Variants in RASSF6 observed in about 807,000 individuals in gnomAD.
RASSF6 encodes Ras association domain family member 6, also known as ras association domain-containing protein 6.
Under a neutral mutation model 44.0 loss-of-function variants are expected in RASSF6, and 52 were observed. The observed-to-expected ratio is 1.18, with a 90% CI of 0.95 to 1.49. The LOEUF is 1.49. Among genes scored for constraint, RASSF6 ranks in the 40% most tolerant of loss-of-function variants. The pLI, the probability that RASSF6 is intolerant of heterozygous loss-of-function variation, is 0.00. For synonymous variants in RASSF6, 162 were observed against 124.6 expected (o/e 1.30, Z -2.00); for missense variants, 464 against 393.3 (o/e 1.18, Z -1.52).
intron 3 of RASSF6, among the ~76,000 whole-genome samples, chr4:73,594,914 C>T (rs897595125): frequency 6.6e-5 from 10 of 152,170 alleles, no homozygotes; most frequent in Non-Finnish European, 1.5e-5. Flanking sequence ...TTCTTCATTG[C>T]TATATCTCCA....
At chr4:73,593,252 G>A (rs538271156) in intron 4 of RASSF6, among the ~76,000 whole-genome samples, 199 bp downstream of exon 4, 1 of 152,226 alleles carries the variant, frequency 6.6e-6, no homozygotes, top group African/African-American at 2.4e-5. Flanking sequence ...CTGACCTCAG[G>A]TGATCCACCT....
At chr4:73,606,925 CACA>C (rs1414818792) in intron 2 of RASSF6, among the ~76,000 whole-genome samples, 6 of 152,144 alleles carry the variant, frequency 3.9e-5, no homozygotes, top group African/African-American at 1.2e-4. Flanking sequence ...GGGTCTGAAA[CACA>C]ACAAGGAGCC....
rs1459954974 is a variant in RASSF6 at position 73,598,667 on chromosome 4, C to CT, written c.116dup (p.Lys40GlufsTer11). ...CTCCATATAAAATATGCAGATTTTT[C>CT]TGGTTCTCATAAAAAATGTTATAGG... On this transcript the variant is annotated frameshift_variant, in exon 3 of 11. Transcript: ENST00000307439. LOFTEE classifies it high-confidence loss of function. 6.5e-7 allele frequency: 1 copy of CT among 1,536,644 alleles called. No homozygotes were observed. The highest frequency in any genetic ancestry group is 2.0e-5 in the Admixed American group (1 of 50,026).
chr4:73,586,857 C>T (rs970401033), intron 5 of RASSF6, among the ~76,000 whole-genome samples: 8 of 150,640 alleles, frequency 5.3e-5, no homozygotes, highest in Non-Finnish European at 1.0e-4. Context: ...TCATGTTTGT[C>T]ACAGGATCTG....
chr4:73,590,476 A>C (rs1724458853), intron 4 of RASSF6, among the ~76,000 whole-genome samples: 1 of 152,254 alleles, frequency 6.6e-6, no homozygotes, highest in Non-Finnish European at 1.5e-5. Context: ...GTAAGAAAAC[A>C]GTAAATTTCT....
At chr4:73,615,957 T>C (rs1358784040) in intron 1 of RASSF6, 1 of 1,546,884 alleles carries the variant, frequency 6.5e-7, no homozygotes, top group Non-Finnish European at 8.7e-7. Context: ...TTAAATCAAA[T>C]GGGTCAGTCA....
At chr4:73,606,624 G>A (rs1259704096) in intron 2 of RASSF6, among the ~76,000 whole-genome samples, 2 of 124,686 alleles carry the variant, frequency 1.6e-5, no homozygotes, top group African/African-American at 6.0e-5. Context: ...CTGTTTTTCT[G>A]AGACAAGCCT....
chr4:73,615,817 C>A, intron 1 of RASSF6: 1 of 1,251,220 alleles, frequency 8.0e-7, no homozygotes, highest in Non-Finnish European at 1.1e-6. Flanking sequence ...CATTAGCGTT[C>A]CAGCAATGCT....
rs753383465 is a variant in RASSF6, at chr4:73,593,615, C to T, written c.145-22G>A. ...CAGTCTAAGGAAGAAATGAATAATC[C>T]CCCAATTGTTTTTGTATTATTTATA... On this transcript the variant is annotated intron_variant, in intron 3 of 10. Transcript: ENST00000307439. 3.7e-6 allele frequency: 6 copies of T among 1,605,520 alleles called. No individual in the cohort carries two copies. The South Asian group carries it at 5.6e-5, about 15-fold the overall frequency.
At chr4:73,599,537 C>G (rs1198444998) in intron 2 of RASSF6, among the ~76,000 whole-genome samples, 1 of 152,192 alleles carries the variant, frequency 6.6e-6, no homozygotes, top group African/African-American at 2.4e-5. Flanking sequence ...AAGGAATGCT[C>G]CTGACTTATC....
At chr4:73,601,240 A>T (rs1293404515) in intron 2 of RASSF6, among the ~76,000 whole-genome samples, 1 of 152,258 alleles carries the variant, frequency 6.6e-6, no homozygotes, top group Non-Finnish European at 1.5e-5. Flanking sequence ...GAGTTGGCAG[A>T]TGGTGGTCCC....
chr4:73,578,085 A>C (rs1041160196), intron 8 of RASSF6, among the ~76,000 whole-genome samples: 1 of 149,808 alleles, frequency 6.7e-6, no homozygotes, highest in Non-Finnish European at 1.5e-5. Flanking sequence ...GACACAAAAT[A>C]TAAAAGAAAA....
intron 4 of RASSF6, among the ~76,000 whole-genome samples, chr4:73,591,791 G>C (rs1296572230): frequency 1.3e-5 from 2 of 152,022 alleles, no homozygotes; most frequent in African/African-American, 4.8e-5. Flanking sequence ...CAGGCTTCTG[G>C]GGATTTTGCT....
At chr4:73,585,983 C>T (rs1387480524) in intron 5 of RASSF6, among the ~76,000 whole-genome samples, 1 of 85,308 alleles carries the variant, frequency 1.2e-5, no homozygotes, top group Non-Finnish European at 2.1e-5. Flanking sequence ...TCCCTCCCCC[C>T]TCCCCCCACC....
At chr4:73,613,193 C>A (rs181578474) in intron 1 of RASSF6, among the ~76,000 whole-genome samples, 1 of 152,318 alleles carries the variant, frequency 6.6e-6, no homozygotes, top group Admixed American at 6.5e-5. Flanking sequence ...TTGGAAATGG[C>A]ATCCTCTGAT....
chr4:73,601,438 C>T (rs1725272704), intron 2 of RASSF6, among the ~76,000 whole-genome samples: 1 of 152,190 alleles, frequency 6.6e-6, no homozygotes, highest in Non-Finnish European at 1.5e-5. Context: ...AATCTGTAAT[C>T]CACTGTGTAA....
intron 2 of RASSF6, among the ~76,000 whole-genome samples, chr4:73,607,850 C>T (rs149957625): frequency 2.6e-4 from 38 of 148,812 alleles, no homozygotes; most frequent in African/African-American, 8.2e-4. Flanking sequence ...CTCCCTACCC[C>T]TCCTCTCTAC....
Position 73,587,852 on chromosome 4 carries a change from T to A in RASSF6, c.370A>T (p.Asn124Tyr), listed in dbSNP as rs1036279076. ...RTQIPMSEKR[N>Y]SQEDYLSYHS... Reference sequence around the variant, plus strand: ...TTTTGATACTGACCTTCCTGGGAATTCCTTTTTTCAGACATAGGAATCTGG... The same window carrying A: ...TTTTGATACTGACCTTCCTGGGAATACCTTTTTTCAGACATAGGAATCTGG... Residue 124 changes from asparagine (N) to tyrosine (Y), a missense_variant, in exon 5 of 11, where the codon AAT becomes TAT. Physicochemically the swap from Asn to Tyr is moderately radical, Grantham distance 143 (BLOSUM62 -2). Transcript: ENST00000307439. 6.2e-7 allele frequency: 1 copy of A among 1,606,718 alleles called. No homozygotes were observed. The highest frequency in any genetic ancestry group is 1.7e-5 in the Admixed American group (1 of 59,808).
At position 73,585,306 on chromosome 4, in the gene RASSF6, G is replaced by A. The variant is rs866919754; in HGVS notation, c.441C>T (p.Ser147=). ...CACTCATGGTTCTATAGAGCACTGGGGAGTCTGGTTCATCCTTTGCATGTG... is the reference window on the plus strand; with the variant it reads ...CACTCATGGTTCTATAGAGCACTGGAGAGTCTGGTTCATCCTTTGCATGTG... ...LKPHAKDEPD[S]PVLYRTMSEA... Residue 147 remains serine (S), a synonymous_variant, in exon 6 of 11, where the codon TCC becomes TCT. Coordinates refer to ENST00000307439, the MANE Select transcript of RASSF6 (RefSeq NM_177532.5). The A allele has an allele frequency of 6.2e-7, 1 of 1,611,572 alleles. No individual in the cohort carries two copies. Among genetic ancestry groups the A allele is most frequent in the Admixed American group, 1.7e-5 (1 of 59,798 alleles).
Sources: gnomAD v4.1 joint callset for allele counts (sites outside exome capture counted in the v4.1 genomes callset) on GRCh38, gnomAD v4.1.1 for gene constraint, MANE v1.5 for transcripts, NCBI Gene and HGNC (gene_info 2026-07-23, HGNC 2026-07-21) for gene names.